NUP107: variants seen among roughly 807,000 people sequenced by gnomAD.
NUP107 encodes the protein nucleoporin 107, also known as nuclear pore complex protein Nup107.
A neutral mutation model predicts 141.0 loss-of-function variants in NUP107; 101 were observed. The ratio of observed to expected loss-of-function variants is 0.72; its 90% CI spans 0.61 to 0.84. The LOEUF is 0.84. NUP107 is among the 40% of genes least tolerant of loss of function. The probability of loss-of-function intolerance (pLI) is 0.00; values close to 1 mark genes in which losing one functional copy is unlikely to be tolerated. For synonymous variants in NUP107, 319 were observed against 363.9 expected (o/e 0.88, Z 1.41); for missense variants, 941 against 1,102.7 (o/e 0.85, Z 2.08).
At chr12:68,694,672 C>T (rs921574797) in intron 5 of NUP107, among the ~76,000 whole-genome samples, 3 of 152,172 alleles carry the variant, frequency 2.0e-5, no homozygotes, top group Non-Finnish European at 2.9e-5. Context: ...GAGGCTGACG[C>T]GGGTGGATCA....
In NUP107 at chr12:68,687,075, T is replaced by G; in HGVS notation, c.8+2T>G. On this transcript the variant is annotated splice_donor_variant, in intron 1 of 27. Transcript: ENST00000229179. LOFTEE classifies it high-confidence loss of function. Reference sequence around the variant, plus strand: ...GGAAAAGGCTTTAGCCATGGACAGGTCAGTACTGATGGTGGCAGCTGAGCC... The same window carrying G: ...GGAAAAGGCTTTAGCCATGGACAGGGCAGTACTGATGGTGGCAGCTGAGCC... The G allele has an allele frequency of 1.9e-6, 3 of 1,614,106 alleles. No individual in the cohort carries two copies. Among genetic ancestry groups the G allele is most frequent in the Non-Finnish European group, 1.7e-6 (2 of 1,179,980 alleles).
Position 68,689,065 on chromosome 12 carries a change from G to A in NUP107, c.100+12G>A, listed in dbSNP as rs533394813. On this transcript the variant is annotated intron_variant, in intron 2 of 27. Coordinates refer to ENST00000229179, the MANE Select transcript of NUP107 (RefSeq NM_020401.4). The stretch of plus-strand genomic sequence containing the variant: ...GAAAAGAGTTTTACGTATCCTTTGC[G>A]ATTTAAGCATCATTATAAAAATTGT... 4 of 1,587,256 alleles carry A rather than the reference G, an allele frequency of 2.5e-6. No individual in the cohort carries two copies. The highest frequency in any genetic ancestry group is 4.5e-5 in the East Asian group (2 of 44,634).
At position 68,742,405 on chromosome 12, in the gene NUP107, C is replaced by T; in HGVS notation, c.2721C>T (p.Ser907=). ...LRKLLQKLRE[S]SLMLLDQGLD... ...AGTTGCTGCAGAAGCTCAGAGAGTCCTCTCTAATGCTCCTAGACCAGGGAC... is the reference window on the plus strand; with the variant it reads ...AGTTGCTGCAGAAGCTCAGAGAGTCTTCTCTAATGCTCCTAGACCAGGGAC... The change falls in exon 28 of 28, where the codon TCC becomes TCT. Residue 907 remains serine (S), a synonymous_variant. Transcript: ENST00000229179. The T allele has an allele frequency of 6.2e-7, 1 of 1,611,786 alleles. No homozygotes were observed. The highest frequency in any genetic ancestry group is 2.2e-5 in the East Asian group (1 of 44,700).
At chr12:68,737,531 A>G (rs1030846009) in intron 26 of NUP107, among the ~76,000 whole-genome samples, 7 of 144,520 alleles carry the variant, frequency 4.8e-5, no homozygotes, top group Non-Finnish European at 1.0e-4. Context: ...ACTGCACTTC[A>G]GCCTAGGTGA....
intron 6 of NUP107, among the ~76,000 whole-genome samples, chr12:68,698,003 G>A (rs561939185): frequency 9.9e-5 from 15 of 151,430 alleles, no homozygotes; most frequent in East Asian, 3.9e-4. Flanking sequence ...ACTCCAGCCC[G>A]GGCGATAGAG....
chr12:68,702,167 T>C (rs1876361112), intron 7 of NUP107, among the ~76,000 whole-genome samples: 1 of 152,152 alleles, frequency 6.6e-6, no homozygotes, highest in South Asian at 2.1e-4. Flanking sequence ...TTTTATATTT[T>C]TAGTAGAGAC....
intron 6 of NUP107, among the ~76,000 whole-genome samples, chr12:68,699,217 A>C (rs1739738787): frequency 6.6e-6 from 1 of 152,018 alleles, no homozygotes; most frequent in Admixed American, 6.6e-5. Flanking sequence ...CTAAAAATGC[A>C]AAAAAATTAG....
chr12:68,719,396 G>A lies in NUP107; in HGVS notation c.1139G>A (p.Gly380Asp). ...GCATGGAGAGCTGCAACACTTGAAG[G>A]CTGGAAACTGTACCATGACCCTAAT... ...GQAWRAATLE[G>D]WKLYHDPNVN... is the part of the protein sequence containing the mutation. Residue 380 changes from glycine (G) to aspartate (D), a missense_variant, in exon 13 of 28, where the codon GGC becomes GAC. Gly to Asp is a moderately conservative substitution (Grantham distance 94). Transcript: ENST00000229179. 1 of 1,614,132 alleles carries A rather than the reference G, an allele frequency of 6.2e-7. No homozygotes were observed. Among genetic ancestry groups the A allele is most frequent in the South Asian group, 1.1e-5 (1 of 91,078 alleles).
chr12:68,706,434 A>C, intron 8 of NUP107: 1 of 810,144 alleles, frequency 1.2e-6, no homozygotes, highest in East Asian at 2.4e-5. Context: ...AAGGCACCGT[A>C]CGAGGAGATC....
chr12:68,717,140 C>T (rs774073483), intron 12 of NUP107, among the ~76,000 whole-genome samples: 3 of 152,014 alleles, frequency 2.0e-5, no homozygotes, highest in Non-Finnish European at 2.9e-5. Context: ...TCAGGCAGTC[C>T]GCCTACCTCA....
At chr12:68,704,557 G>A (rs1876487527) in intron 8 of NUP107, among the ~76,000 whole-genome samples, 1 of 151,516 alleles carries the variant, frequency 6.6e-6, no homozygotes, top group South Asian at 2.1e-4. Flanking sequence ...GGGTTCAAGC[G>A]ATTCTCATGC....
chr12:68,726,475 A>T, intron 18 of NUP107, 24 bp from the exon 19 acceptor site: 1 of 1,417,416 alleles, frequency 7.1e-7, no homozygotes, highest in Non-Finnish European at 9.9e-7. Flanking sequence ...CCTATTGTTG[A>T]ATCTTCACTT....
In NUP107 at chr12:68,713,815, G is replaced by A. The variant is rs1482225579; in HGVS notation, c.969+7G>A. ...TCCGCTTGTCACTGAATTGGTAAAT[G>A]TTCTTTGAAATGAAAGTTGCCTTCA... is the stretch of plus-strand genomic sequence containing the variant. On this transcript the variant is annotated splice_region_variant and intron_variant, in intron 11 of 27. Coordinates refer to ENST00000229179, the MANE Select transcript of NUP107 (RefSeq NM_020401.4). 2 of 1,588,736 alleles carry A rather than the reference G, an allele frequency of 1.3e-6. No individual in the cohort carries two copies. The highest frequency in any genetic ancestry group is 1.4e-5 in the African/African-American group (1 of 73,306).
At chr12:68,735,040 G>A (rs992895993) in intron 25 of NUP107, among the ~76,000 whole-genome samples, 191 bp from the exon 26 acceptor site, 2 of 152,136 alleles carry the variant, frequency 1.3e-5, no homozygotes, top group East Asian at 1.9e-4. Context: ...TGACATGAGC[G>A]TTCATTTACA....
chr12:68,705,681 C>T (rs1450662676), intron 8 of NUP107: 4 of 631,370 alleles, frequency 6.3e-6, no homozygotes, highest in Non-Finnish European at 2.9e-6. Flanking sequence ...CCAACTCTGG[C>T]CCAAGGGCCT....
intron 19 of NUP107, among the ~76,000 whole-genome samples, 200 bp downstream of exon 19, chr12:68,726,817 G>A (rs936869511): frequency 1.3e-5 from 2 of 152,130 alleles, no homozygotes; most frequent in African/African-American, 4.8e-5. Context: ...GCCACAGAAT[G>A]CTGTTGGTTA....
intron 6 of NUP107, among the ~76,000 whole-genome samples, chr12:68,700,121 C>T (rs1397235704): frequency 6.6e-6 from 1 of 152,018 alleles, no homozygotes; most frequent in Admixed American, 6.6e-5. Context: ...CCAGGCTGGT[C>T]TCAAACTCCT....
chr12:68,691,777 T>G (rs1451579732), intron 4 of NUP107, among the ~76,000 whole-genome samples, 191 bp from the exon 5 acceptor site: 1 of 151,582 alleles, frequency 6.6e-6, no homozygotes, highest in Non-Finnish European at 1.5e-5. Context: ...AAGGTTGCGT[T>G]GAGCCATGAT....
chr12:68,737,094 C>T (rs1277926654), intron 26 of NUP107, among the ~76,000 whole-genome samples: 1 of 152,208 alleles, frequency 6.6e-6, no homozygotes, highest in Non-Finnish European at 1.5e-5. Flanking sequence ...CCTTTCTCAT[C>T]TGATTCATGC....
Sources: gnomAD v4.1 joint callset for allele counts (sites outside exome capture counted in the v4.1 genomes callset) on GRCh38, gnomAD v4.1.1 for gene constraint, MANE v1.5 for transcripts, NCBI Gene and HGNC (gene_info 2026-07-23, HGNC 2026-07-21) for gene names.